Variants in SNTB1 observed in about 807,000 individuals in gnomAD.
SNTB1 encodes syntrophin beta 1.
SNTB1 carries 36 observed loss-of-function variants against 48.9 expected under a neutral mutation model. The ratio of observed to expected loss-of-function variants is 0.74; its 90% CI spans 0.56 to 0.97. SNTB1 has a LOEUF of 0.97. Ranked by LOEUF, SNTB1 falls within the 50% of genes least tolerant of loss-of-function variation. SNTB1 has a pLI of 0.00. For synonymous variants in SNTB1, 299 were observed against 294.6 expected, an observed-to-expected ratio of 1.01 and a Z score of -0.15; for missense variants, 786 against 703.4, an observed-to-expected ratio of 1.12 and a Z score of -1.33.
At chr8:120,612,674 C>T (rs998419440) in intron 3 of SNTB1, among the ~76,000 whole-genome samples, 11 of 152,186 alleles carry the variant, frequency 7.2e-5, no homozygotes, top group African/African-American at 2.4e-4. Context: ...CTGCCTCAGC[C>T]TCCCTAGTAG....
intron 2 of SNTB1, among the ~76,000 whole-genome samples, chr8:120,690,014 C>T (rs76693648): frequency 0.038 from 5,759 of 152,190 alleles, 386 homozygotes; most frequent in African/African-American, 0.13. Flanking sequence ...TATAGTAAGT[C>T]GACCCTTACT....
intron 3 of SNTB1, among the ~76,000 whole-genome samples, chr8:120,578,029 G>A (rs1388269460): frequency 6.6e-6 from 1 of 151,944 alleles, no homozygotes; most frequent in Admixed American, 6.6e-5. Context: ...TGGAAGAACA[G>A]GGATTTGTTT....
chr8:120,730,252 T>G (rs2129974497), intron 1 of SNTB1, among the ~76,000 whole-genome samples: 1 of 152,200 alleles, frequency 6.6e-6, no homozygotes, highest in East Asian at 1.9e-4. Context: ...GTCAGCCTCC[T>G]GGGTTCAAGT....
intron 1 of SNTB1, among the ~76,000 whole-genome samples, chr8:120,721,751 ATTATAC>A (rs1221126707): frequency 2.0e-5 from 3 of 152,132 alleles, no homozygotes; most frequent in Non-Finnish European, 2.9e-5. Context: ...TTATTTATTT[ATTATAC>A]TTTAAGTTCT....
chr8:120,748,286 T>A (rs562942910), intron 1 of SNTB1, among the ~76,000 whole-genome samples: 1 of 152,332 alleles, frequency 6.6e-6, no homozygotes, highest in East Asian at 1.9e-4. Flanking sequence ...AGTGGGTTTT[T>A]TTTCCTCCCT....
intron 2 of SNTB1, among the ~76,000 whole-genome samples, chr8:120,642,728 G>T (rs1424189359): frequency 1.3e-5 from 2 of 152,072 alleles, no homozygotes. Flanking sequence ...GCCTGGGCAA[G>T]TAGGGAGGCC....
chr8:120,662,054 C>T (rs1012277704), intron 2 of SNTB1, among the ~76,000 whole-genome samples: 3 of 152,100 alleles, frequency 2.0e-5, no homozygotes, highest in Admixed American at 6.5e-5. Context: ...ATGGAAATGA[C>T]AGCTTCATAA....
At chr8:120,610,639 A>G (rs2130730202) in intron 3 of SNTB1, among the ~76,000 whole-genome samples, 1 of 152,276 alleles carries the variant, frequency 6.6e-6, no homozygotes, top group African/African-American at 2.4e-5. Context: ...GAAGAGGGCC[A>G]AGTGGGCAAC....
At chr8:120,668,403 G>A (rs1367356360) in intron 2 of SNTB1, among the ~76,000 whole-genome samples, 1 of 152,222 alleles carries the variant, frequency 6.6e-6, no homozygotes, top group Non-Finnish European at 1.5e-5. Flanking sequence ...CTTGGTCACA[G>A]TGGAAGTCTT....
At chr8:120,583,275 CG>C (rs1282033203) in intron 3 of SNTB1, among the ~76,000 whole-genome samples, 1 of 151,918 alleles carries the variant, frequency 6.6e-6, no homozygotes, top group Non-Finnish European at 1.5e-5. Context: ...AGGCCAAGGT[CG>C]GGGGGATCAC....
At chr8:120,543,222 A>G (rs1162146038) in intron 5 of SNTB1, among the ~76,000 whole-genome samples, 1 of 152,214 alleles carries the variant, frequency 6.6e-6, no homozygotes, top group Non-Finnish European at 1.5e-5. Context: ...GAGTTCTGAA[A>G]AAGGTTATTA....
At position 120,645,240 on chromosome 8, in the gene SNTB1, T is replaced by G. The variant is rs980593208; in HGVS notation, c.789-12589A>C. ...ATTTTAGACATGAAATCCTTGCCCA[T>G]GCCTATGTCCTGAATGGTAATGCCT... On this transcript the variant is annotated intron_variant, in intron 2 of 6. Transcript: ENST00000517992. 3.3e-4 allele frequency among the ~76,000 whole-genome samples: 51 copies of G among 152,298 alleles called. 1 individual carries two copies. Among genetic ancestry groups the G allele is most frequent in the Non-Finnish European group, 1.5e-4 (10 of 68,034 alleles).
chr8:120,673,109 C>T (rs1249738126), intron 2 of SNTB1, among the ~76,000 whole-genome samples: 1 of 152,088 alleles, frequency 6.6e-6, no homozygotes, highest in Non-Finnish European at 1.5e-5. Flanking sequence ...CCCCTGTAGC[C>T]TAAGAGAGGT....
At chr8:120,641,202 A>G (rs964539968) in intron 2 of SNTB1, among the ~76,000 whole-genome samples, 4 of 152,198 alleles carry the variant, frequency 2.6e-5, no homozygotes, top group African/African-American at 9.6e-5. Context: ...TGTTCAGTAA[A>G]GTTGCATAGC....
At chr8:120,796,502 A>G (rs1013671741) in intron 1 of SNTB1, among the ~76,000 whole-genome samples, 1 of 152,020 alleles carries the variant, frequency 6.6e-6, no homozygotes, top group African/African-American at 2.4e-5. Context: ...GAGAGCCATA[A>G]ATCAACAACA....
chr8:120,604,385 C>A (rs1816476464), intron 3 of SNTB1, among the ~76,000 whole-genome samples: 1 of 151,970 alleles, frequency 6.6e-6, no homozygotes, highest in South Asian at 2.1e-4. Flanking sequence ...TTCCATATAT[C>A]AATTCTTCTC....
intron 4 of SNTB1, among the ~76,000 whole-genome samples, chr8:120,572,508 T>C (rs142374771): frequency 3.7e-4 from 57 of 152,304 alleles, no homozygotes; most frequent in African/African-American, 1.3e-3. Context: ...TGTCAGCTAC[T>C]TGAAAGCAAG....
intron 1 of SNTB1, among the ~76,000 whole-genome samples, chr8:120,767,426 A>C: frequency 6.6e-6 from 1 of 152,220 alleles, no homozygotes; most frequent in East Asian, 1.9e-4. Flanking sequence ...TACACACACC[A>C]TGCATATATA....
In SNTB1 at chr8:120,656,805, A is replaced by G. The variant is rs1468703721; in HGVS notation, c.789-24154T>C. ...TTGAGTTTCAGATAAACACGGAATA[A>G]TTTTTTAGCATTAGTATGTCCCATG... On this transcript the variant is annotated intron_variant, in intron 2 of 6. Coordinates refer to ENST00000517992, the MANE Select transcript of SNTB1 (RefSeq NM_021021.4). Among the ~76,000 whole-genome samples, 2 of 152,170 alleles carry G rather than the reference A, an allele frequency of 1.3e-5. 1 individual carries two copies. Among genetic ancestry groups the G allele is most frequent in the African/African-American group, 4.8e-5 (2 of 41,442 alleles).
Sources: gnomAD v4.1 joint callset for allele counts (sites outside exome capture counted in the v4.1 genomes callset) on GRCh38, gnomAD v4.1.1 for gene constraint, MANE v1.5 for transcripts, NCBI Gene and HGNC (gene_info 2026-07-23, HGNC 2026-07-21) for gene names.